CCDC171: variants seen among roughly 807,000 people sequenced by gnomAD.
The protein encoded by CCDC171 is coiled-coil domain containing 171, also known as coiled-coil domain-containing protein 171.
Under a neutral mutation model 168.2 loss-of-function variants are expected in CCDC171, and 177 were observed. That is an observed-to-expected ratio of 1.05 (90% confidence interval 0.93 to 1.19). CCDC171 has a LOEUF of 1.19. Among genes scored for constraint, CCDC171 ranks in the 50% most tolerant of loss-of-function variants. The pLI, the probability that CCDC171 is intolerant of heterozygous loss-of-function variation, is 0.00. For missense variants in CCDC171, 1,991 were observed against 1,539.0 expected, an observed-to-expected ratio of 1.29 and a Z score of -4.91; for synonymous variants, 687 against 540.8, an observed-to-expected ratio of 1.27 and a Z score of -3.75.
intron 25 of CCDC171, among the ~76,000 whole-genome samples, chr9:15,948,026 C>G (rs1051286949): frequency 2.0e-5 from 3 of 149,390 alleles, no homozygotes; most frequent in African/African-American, 7.4e-5. Flanking sequence ...CTTCCTGTGT[C>G]CATGTGTTCT....
At chr9:16,070,374 G>A in the CCDC171 span, among the ~76,000 whole-genome samples, 20,089 of 152,262 alleles carry the variant, frequency 0.13, 1,485 homozygotes, top group Admixed American at 0.21. Context: ...TACCTGCTGG[G>A]AAGGAAGGAA....
chr9:16,074,454 G>A, the CCDC171 span, among the ~76,000 whole-genome samples: 1 of 151,918 alleles, frequency 6.6e-6, no homozygotes, highest in African/African-American at 2.4e-5. Context: ...TACTTTTTTT[G>A]GATTCAGTTA....
At chr9:15,696,264 T>A (rs1324784478) in intron 11 of CCDC171, among the ~76,000 whole-genome samples, 1 of 152,214 alleles carries the variant, frequency 6.6e-6, no homozygotes, top group Non-Finnish European at 1.5e-5. Context: ...TGGAAGGACC[T>A]CATCAAGGTT....
intron 23 of CCDC171, among the ~76,000 whole-genome samples, chr9:15,849,966 A>G (rs1041733805): frequency 1.3e-5 from 2 of 151,890 alleles, no homozygotes; most frequent in African/African-American, 4.8e-5. Flanking sequence ...AAATAATCTG[A>G]GTGCTATTTC....
chr9:15,684,950 T>C (rs2050282057), intron 10 of CCDC171, among the ~76,000 whole-genome samples: 1 of 152,168 alleles, frequency 6.6e-6, no homozygotes, highest in Non-Finnish European at 1.5e-5. Flanking sequence ...GGGTGATGAG[T>C]AAATGTTCAC....
intron 18 of CCDC171, among the ~76,000 whole-genome samples, chr9:15,766,242 T>G (rs1008870250): frequency 3.3e-5 from 5 of 151,968 alleles, no homozygotes; most frequent in Non-Finnish European, 7.4e-5. Flanking sequence ...GTGCCGTGAG[T>G]GTTAAAGTCC....
At position 15,846,835 on chromosome 9, in the gene CCDC171, G is replaced by A. The variant is rs774394788; in HGVS notation, c.3401G>A (p.Arg1134His). ...ENIHDAESALRMAAKDKECVA... is the reference protein window; with the variant it reads ...ENIHDAESALHMAAKDKECVA... ...ATCCATGATGCAGAGAGTGCCCTCCGCATGGCAGCCAAGTGAGCATTTGGA... is the reference window on the plus strand; with the variant it reads ...ATCCATGATGCAGAGAGTGCCCTCCACATGGCAGCCAAGTGAGCATTTGGA... The change falls in exon 22 of 26, where the codon CGC becomes CAC. Residue 1134 changes from arginine to histidine, a missense_variant. Arg to His is a conservative substitution (Grantham distance 29). Coordinates refer to ENST00000380701, the MANE Select transcript of CCDC171 (RefSeq NM_173550.4). The A allele has an allele frequency of 3.0e-5, 48 of 1,606,134 alleles. No homozygotes were observed. In the Admixed American group the frequency reaches 6.6e-4, roughly 22 times the overall value.
At chr9:15,888,435 AT>A (rs1180537809) in intron 24 of CCDC171, among the ~76,000 whole-genome samples, 2 of 152,236 alleles carry the variant, frequency 1.3e-5, no homozygotes, top group Non-Finnish European at 1.5e-5. Flanking sequence ...TACTATTTAA[AT>A]AATTACATAA....
upstream of CCDC171, among the ~76,000 whole-genome samples, chr9:16,041,767 C>G (rs1162419104): frequency 6.6e-6 from 1 of 152,138 alleles, no homozygotes; most frequent in Non-Finnish European, 1.5e-5. Context: ...CTTGGCCACA[C>G]CTTCTGGAAC....
chr9:15,922,103 A>C (rs1436928858), intron 25 of CCDC171: 1 of 327,220 alleles, frequency 3.1e-6, no homozygotes, highest in South Asian at 2.6e-5. Flanking sequence ...CTTTGAACAT[A>C]TCTACAGGAT....
intron 24 of CCDC171, among the ~76,000 whole-genome samples, chr9:15,909,708 AAAGT>A (rs1823327552): frequency 6.6e-6 from 1 of 152,212 alleles, no homozygotes; most frequent in Non-Finnish European, 1.5e-5. Flanking sequence ...TATTGGAATG[AAAGT>A]AAGTCTAATA....
chr9:15,671,725 A>G (rs1564180930), intron 9 of CCDC171, among the ~76,000 whole-genome samples: 2 of 152,140 alleles, frequency 1.3e-5, no homozygotes, highest in African/African-American at 2.4e-5. Flanking sequence ...TCCATAGTGT[A>G]TATGTGCCAC....
At chr9:15,590,761 T>TTCTTTCTTTC (rs1232563432) in intron 4 of CCDC171, among the ~76,000 whole-genome samples, 1 of 126,450 alleles carries the variant, frequency 7.9e-6, no homozygotes, top group East Asian at 2.8e-4. Context: ...TTTTTCTTCT[T>TTCTTTCTTTC]TCTTTCTTTC....
chr9:15,967,895 C>T (rs925350506), intron 25 of CCDC171, among the ~76,000 whole-genome samples: 8 of 152,044 alleles, frequency 5.3e-5, no homozygotes, highest in East Asian at 1.9e-4. Context: ...AAGCCTTGGT[C>T]GGCAAAAAGG....
At chr9:16,058,536 T>A (rs1833880089) in intron 1 of CCDC171, among the ~76,000 whole-genome samples, 2 of 152,202 alleles carry the variant, frequency 1.3e-5, no homozygotes, top group Admixed American at 1.3e-4. Context: ...GAGGAGATAA[T>A]GAATTTCAGT....
At chr9:15,675,568 G>A (rs1296031486) in intron 9 of CCDC171, among the ~76,000 whole-genome samples, 2 of 152,204 alleles carry the variant, frequency 1.3e-5, no homozygotes, top group African/African-American at 4.8e-5. Flanking sequence ...GGCAGGCCTG[G>A]TGGTGACAAA....
chr9:16,066,231 G>T (rs974145920), downstream of CCDC171, among the ~76,000 whole-genome samples: 1 of 152,138 alleles, frequency 6.6e-6, no homozygotes, highest in Non-Finnish European at 1.5e-5. Flanking sequence ...CTGCCTAACA[G>T]TGTGAGCATT....
At chr9:15,737,943 C>T (rs1033790238) in intron 16 of CCDC171, among the ~76,000 whole-genome samples, 2 of 152,084 alleles carry the variant, frequency 1.3e-5, no homozygotes, top group South Asian at 4.2e-4. Flanking sequence ...TACAAAGTGT[C>T]CTTATTTTTT....
intron 1 of CCDC171, among the ~76,000 whole-genome samples, chr9:16,047,880 G>A (rs1459656270): frequency 6.6e-6 from 1 of 152,226 alleles, no homozygotes; most frequent in Non-Finnish European, 1.5e-5. Flanking sequence ...GTTGTGATGG[G>A]TGTGAGGTAA....
Sources: allele counts gnomAD v4.1 joint callset (sites outside exome capture counted in the v4.1 genomes callset), GRCh38; gene constraint gnomAD v4.1.1; transcripts MANE v1.5; gene names NCBI Gene and HGNC (gene_info 2026-07-23, HGNC 2026-07-21).